Variants in FRMD8 observed in about 807,000 individuals in gnomAD.
FRMD8 encodes the protein FERM domain containing 8, also known as FERM domain-containing protein 8.
In FRMD8, 37 loss-of-function variants were observed where a neutral mutation model predicts 54.2. The observed-to-expected ratio is 0.68, with a 90% CI of 0.53 to 0.90. The LOEUF (loss-of-function observed/expected upper bound fraction) is 0.90. Among genes scored for constraint, FRMD8 ranks in the 40% least tolerant of loss-of-function variants. The pLI is 0.00. For missense variants in FRMD8, 585 were observed against 653.7 expected (o/e 0.89, Z 1.15); for synonymous variants, 246 against 286.9 (o/e 0.86, Z 1.44).
chr11:65,397,009 G>A lies in FRMD8; in HGVS notation c.792G>A (p.Leu264=). The change falls in exon 7 of 11, where the codon CTG becomes CTA. Residue 264 remains leucine (L), a synonymous_variant. Coordinates refer to ENST00000317568, the MANE Select transcript of FRMD8 (RefSeq NM_031904.5). ...YRAYLLKCHE[L]PFYGCAFFHG... ...CCTATCTCCTCAAGTGCCACGAGCT[G>A]CCGTTTTATGGGTAAGAGCCACAGC... 2 of 1,451,304 alleles carry A rather than the reference G, an allele frequency of 1.4e-6. No individual in the cohort carries two copies. The highest frequency in any genetic ancestry group is 2.8e-5 in the East Asian group (1 of 36,094). The allele number at this position is 1,451,304 out of a possible 1,614,324, so 89.9% of individuals were successfully genotyped here. A position where few individuals can be genotyped will look rare whatever the true frequency, so the allele number is the denominator to read the frequency against.
At chr11:65,371,510 T>C in the FRMD8 span, among the ~76,000 whole-genome samples, 1 of 152,266 alleles carries the variant, frequency 6.6e-6, no homozygotes, top group Non-Finnish European at 1.5e-5. Context: ...GGATTTCTTC[T>C]GTCGAAAAGA....
At chr11:65,401,537 T>A (rs35410259) in intron 9 of FRMD8, among the ~76,000 whole-genome samples, 20,898 of 149,886 alleles carry the variant, frequency 0.14, 1,760 homozygotes, top group Admixed American at 0.25. Flanking sequence ...TTCCTTTTGG[T>A]GCCCTTCACC....
Position 65,389,343 on chromosome 11 carries a change from G to A in FRMD8, c.86-18G>A. ...CCAGGCAGAGGCCTCAGCTGAGCCT[G>A]CCTGGTCTCCATCACAGCGGCTGAC... On this transcript the variant is annotated intron_variant, in intron 2 of 10. Coordinates refer to ENST00000317568, the MANE Select transcript of FRMD8 (RefSeq NM_031904.5). 1.2e-6 allele frequency: 2 copies of A among 1,607,770 alleles called. No homozygotes were observed. The highest frequency in any genetic ancestry group is 1.1e-5 in the South Asian group (1 of 91,066).
At chr11:65,402,176 C>T (rs1856097869) in intron 9 of FRMD8, among the ~76,000 whole-genome samples, 1 of 151,822 alleles carries the variant, frequency 6.6e-6, no homozygotes, top group Non-Finnish European at 1.5e-5. Flanking sequence ...AGGTGAAACC[C>T]CCATCTCTAC....
chr11:65,392,680 C>T (rs977417499), intron 3 of FRMD8, among the ~76,000 whole-genome samples: 1 of 152,140 alleles, frequency 6.6e-6, no homozygotes, highest in Admixed American at 6.5e-5. Flanking sequence ...CTGGCGAGGT[C>T]ACTGTGCCCC....
chr11:65,394,291 TGAG>T lies in FRMD8; in HGVS notation c.452_454del (p.Glu151del). 1 of 1,596,956 alleles carries T rather than the reference TGAG, an allele frequency of 6.3e-7. No homozygotes were observed. Among genetic ancestry groups the T allele is most frequent in the Non-Finnish European group, 8.5e-7 (1 of 1,172,144 alleles). ...ACGAGGAGGTCCTGCGGCTGCTCTA[TGAG>T]GAGGCCAAGGGCAACGTGCTGGCTG... On this transcript the variant is annotated inframe_deletion, in exon 6 of 11. Transcript: ENST00000317568.
intron 10 of FRMD8, among the ~76,000 whole-genome samples, chr11:65,409,773 AAAAAAG>A (rs1034426369): frequency 2.6e-5 from 4 of 151,932 alleles, no homozygotes; most frequent in African/African-American, 9.7e-5. Flanking sequence ...CGCAAAAAAA[AAAAAAG>A]AAAAAGAAAA....
chr11:65,393,380 C>T (rs1363948167), intron 3 of FRMD8, among the ~76,000 whole-genome samples, 193 bp from the exon 4 acceptor site: 3 of 152,214 alleles, frequency 2.0e-5, no homozygotes, highest in Admixed American at 2.0e-4. Context: ...GGAACTTGGC[C>T]TCTCTGAGGC....
the FRMD8 span, chr11:65,377,535 G>C: frequency 5.9e-6 from 3 of 507,016 alleles, no homozygotes; most frequent in Non-Finnish European, 7.7e-6. Flanking sequence ...GTTCTCCTGC[G>C]CCCACCTCTC....
chr11:65,383,885 G>C (rs1189127008), upstream of FRMD8, among the ~76,000 whole-genome samples: 1 of 152,148 alleles, frequency 6.6e-6, no homozygotes, highest in Non-Finnish European at 1.5e-5. Flanking sequence ...TCTAGGCAGA[G>C]GGTAAGGTGA....
chr11:65,370,934 G>C, the FRMD8 span, among the ~76,000 whole-genome samples: 1 of 152,136 alleles, frequency 6.6e-6, no homozygotes, highest in African/African-American at 2.4e-5. Flanking sequence ...TCTTTCAAAG[G>C]GTTAAGAGGA....
chr11:65,400,758 C>T lies in FRMD8; in HGVS notation c.962C>T (p.Ser321Leu), dbSNP rs970834704. The change falls in exon 9 of 11, where the codon TCG (serine) becomes TTG (leucine). Residue 321 changes from serine to leucine, a missense_variant. Transcript: ENST00000317568. This position sits in a 1 kb window ranked among gnomAD's most constrained non-coding sequence, Gnocchi z 4.3. ...CTGGGCCTGCGCTTCCAGGAGCTGT[C>T]GTGGGACCACACCTCCCCCGAGGAG... ...VLLGLRFQEL[S>L]WDHTSPEEEE... is the part of the protein sequence containing the mutation. The T allele has an allele frequency of 6.2e-7, 1 of 1,608,144 alleles. No homozygotes were observed. The highest frequency in any genetic ancestry group is 8.5e-7 in the Non-Finnish European group (1 of 1,177,980).
chr11:65,402,377 T>C (rs1255677435), intron 9 of FRMD8, among the ~76,000 whole-genome samples: 1 of 152,002 alleles, frequency 6.6e-6, no homozygotes, highest in East Asian at 1.9e-4. Context: ...AGAAAGACAT[T>C]GAATTGCCCT....
chr11:65,404,842 C>A lies in FRMD8; in HGVS notation c.1072-22C>A. ...ATGGAAGGGGGCCCTGGCCAGGCCTCACACTGCCCCCTCCTCCCCAGGCCG... is the reference window on the plus strand; with the variant it reads ...ATGGAAGGGGGCCCTGGCCAGGCCTAACACTGCCCCCTCCTCCCCAGGCCG... On this transcript the variant is annotated intron_variant, in intron 9 of 10. Transcript: ENST00000317568. The surrounding 1 kb of genome is among the most constrained non-coding windows in gnomAD (Gnocchi z 4.7). The A allele has an allele frequency of 6.3e-7, 1 of 1,599,596 alleles. No homozygotes were observed.
chr11:65,393,746 A>G, intron 4 of FRMD8, 72 bp downstream of exon 4: 2 of 1,325,412 alleles, frequency 1.5e-6, no homozygotes, highest in East Asian at 2.4e-5. Context: ...CAGCCCAGCC[A>G]GGGCCCTGCC....
At chr11:65,376,093 GA>G in the FRMD8 span, 2 of 232,174 alleles carry the variant, frequency 8.6e-6, no homozygotes, top group Admixed American at 5.9e-5. Flanking sequence ...AAAAAAAAAA[GA>G]GGTGAAGGCA....
intron 10 of FRMD8, among the ~76,000 whole-genome samples, chr11:65,407,319 T>C (rs1168600207): frequency 6.6e-6 from 1 of 151,808 alleles, no homozygotes; most frequent in Non-Finnish European, 1.5e-5. Context: ...TGGTGTGATC[T>C]TGGCTCACTG....
the FRMD8 span, among the ~76,000 whole-genome samples, chr11:65,374,021 G>A: frequency 2.6e-5 from 3 of 113,332 alleles, no homozygotes; most frequent in African/African-American, 1.1e-4. Context: ...CTAAACTGTT[G>A]CAACAAGGAC....
At chr11:65,402,690 G>A (rs919015774) in intron 9 of FRMD8, among the ~76,000 whole-genome samples, 2 of 152,098 alleles carry the variant, frequency 1.3e-5, no homozygotes, top group African/African-American at 4.8e-5. Context: ...GGAGGTCATT[G>A]ACCTCTTAAG....
Sources: gnomAD v4.1 joint callset for allele counts (sites outside exome capture counted in the v4.1 genomes callset) on GRCh38, gnomAD v4.1.1 for gene constraint, Gnocchi (gnomAD v3.1) non-coding constraint, MANE v1.5 for transcripts, NCBI Gene and HGNC (gene_info 2026-07-23, HGNC 2026-07-21) for gene names.